Variants in CTNNA3 observed in about 807,000 individuals in gnomAD.
CTNNA3 encodes the protein catenin alpha-3.
A neutral mutation model predicts 95.7 loss-of-function variants in CTNNA3; 76 were observed. The ratio of observed to expected loss-of-function variants is 0.79; its 90% CI spans 0.66 to 0.96. CTNNA3 has a LOEUF of 0.96. Ranked by LOEUF, CTNNA3 falls within the 40% of genes least tolerant of loss-of-function variation. The pLI, the probability that CTNNA3 is intolerant of heterozygous loss-of-function variation, is 0.00. For synonymous variants in CTNNA3, 431 were observed against 374.4 expected, an observed-to-expected ratio of 1.15 and a Z score of -1.74; for missense variants, 1,191 against 1,089.8, an observed-to-expected ratio of 1.09 and a Z score of -1.31.
At chr10:66,018,945 T>C (rs931691151) in intron 15 of CTNNA3, among the ~76,000 whole-genome samples, 2 of 146,974 alleles carry the variant, frequency 1.4e-5, no homozygotes, top group African/African-American at 4.9e-5. Context: ...AGAAAACTTG[T>C]TTCCATTTTC....
chr10:67,154,727 C>T (rs965635141), intron 7 of CTNNA3, among the ~76,000 whole-genome samples: 1 of 152,114 alleles, frequency 6.6e-6, no homozygotes, highest in Non-Finnish European at 1.5e-5. Context: ...CCAAAATGTT[C>T]ATATGAGCTG....
intron 9 of CTNNA3, among the ~76,000 whole-genome samples, chr10:66,747,920 T>A (rs1306141585): frequency 6.6e-6 from 1 of 152,168 alleles, no homozygotes; most frequent in East Asian, 1.9e-4. Flanking sequence ...AGTGAGGGGA[T>A]TTTTTTCTCC....
intron 1 of CTNNA3, among the ~76,000 whole-genome samples, chr10:67,653,014 G>A (rs1219100774): frequency 6.6e-6 from 1 of 152,158 alleles, no homozygotes; most frequent in African/African-American, 2.4e-5. Context: ...CTGAGATTGG[G>A]TAATTTATAA....
At chr10:67,494,198 T>C (rs1412386403) in intron 5 of CTNNA3, among the ~76,000 whole-genome samples, 1 of 152,118 alleles carries the variant, frequency 6.6e-6, no homozygotes, top group Non-Finnish European at 1.5e-5. Flanking sequence ...AAACTGAGGG[T>C]TTTTTTAATT....
At chr10:67,199,520 C>T (rs985279358) in intron 6 of CTNNA3, among the ~76,000 whole-genome samples, 2 of 152,104 alleles carry the variant, frequency 1.3e-5, no homozygotes, top group Non-Finnish European at 2.9e-5. Context: ...CAGGCGCATG[C>T]CACCACGCCT....
chr10:66,802,729 C>A (rs1486634317), intron 7 of CTNNA3, among the ~76,000 whole-genome samples: 10 of 148,332 alleles, frequency 6.7e-5, no homozygotes, highest in Non-Finnish European at 7.5e-5. Context: ...AAAAAAAAAA[C>A]CCTCAAATGC....
At chr10:66,436,106 A>G (rs1410170906) in intron 11 of CTNNA3, among the ~76,000 whole-genome samples, 1 of 152,126 alleles carries the variant, frequency 6.6e-6, no homozygotes, top group Non-Finnish European at 1.5e-5. Flanking sequence ...TATGTGGTCA[A>G]TTTTAGAATA....
chr10:67,556,473 T>C (rs924048920), intron 3 of CTNNA3, among the ~76,000 whole-genome samples: 3 of 152,296 alleles, frequency 2.0e-5, no homozygotes, highest in Admixed American at 6.5e-5. Context: ...TCCTCCTGGT[T>C]TAGTCTTGGG....
intron 9 of CTNNA3, among the ~76,000 whole-genome samples, chr10:66,673,462 C>A (rs1450954042): frequency 6.6e-6 from 1 of 152,022 alleles, no homozygotes; most frequent in Non-Finnish European, 1.5e-5. Context: ...TACATTACAA[C>A]ATTGTAAAAG....
intron 3 of CTNNA3, among the ~76,000 whole-genome samples, chr10:67,566,043 G>GTGTGTATATATATATATATATA (rs1274109672): frequency 1.5e-4 from 4 of 26,960 alleles, no homozygotes; most frequent in African/African-American, 5.0e-4. Context: ...ATGTGTGTGT[G>GTGTGTATATATATATATATATA]TATATATATA....
chr10:67,421,984 G>A (rs551001086), intron 5 of CTNNA3, among the ~76,000 whole-genome samples: 2 of 152,102 alleles, frequency 1.3e-5, no homozygotes, highest in East Asian at 1.9e-4. Context: ...ACACAATATC[G>A]CTTTGTGCTA....
At chr10:67,469,766 A>T (rs928006038) in intron 5 of CTNNA3, among the ~76,000 whole-genome samples, 1 of 151,962 alleles carries the variant, frequency 6.6e-6, no homozygotes, top group Non-Finnish European at 1.5e-5. Context: ...AATAAAAAAT[A>T]AAAAAAAGAA....
At chr10:66,350,011 A>G (rs1171572724) in intron 12 of CTNNA3, among the ~76,000 whole-genome samples, 1 of 152,092 alleles carries the variant, frequency 6.6e-6, no homozygotes, top group Non-Finnish European at 1.5e-5. Flanking sequence ...CAGGAATCAC[A>G]TTTCCTCTAT....
chr10:66,021,956 A>C (rs1034546528), intron 15 of CTNNA3, among the ~76,000 whole-genome samples: 3 of 148,888 alleles, frequency 2.0e-5, no homozygotes, highest in Non-Finnish European at 4.4e-5. Context: ...CAGGCTCAAG[A>C]GATGCTCTGC....
intron 5 of CTNNA3, among the ~76,000 whole-genome samples, chr10:67,253,492 G>A (rs1866194023): frequency 6.6e-6 from 1 of 152,112 alleles, no homozygotes; most frequent in African/African-American, 2.4e-5. Flanking sequence ...GGCTACAAGG[G>A]GTTAATCTAT....
At chr10:67,133,968 G>A (rs1860165120) in intron 7 of CTNNA3, among the ~76,000 whole-genome samples, 2 of 152,122 alleles carry the variant, frequency 1.3e-5, no homozygotes, top group Non-Finnish European at 2.9e-5. Flanking sequence ...ACAGGTGTGA[G>A]CCACTACACT....
chr10:66,163,293 C>G (rs1389239757), intron 13 of CTNNA3, among the ~76,000 whole-genome samples: 1 of 152,032 alleles, frequency 6.6e-6, no homozygotes, highest in African/African-American at 2.4e-5. Context: ...TGGAGTTTTA[C>G]CCCCTGCTCC....
chr10:66,582,753 A>C (rs895536617), intron 10 of CTNNA3, among the ~76,000 whole-genome samples: 1 of 151,880 alleles, frequency 6.6e-6, no homozygotes, highest in African/African-American at 2.4e-5. Context: ...TTTCTCATTC[A>C]GTATGATGTT....
At chr10:67,751,306 T>C in intron 1 of CTNNA3, 1 of 891,658 alleles carries the variant, frequency 1.1e-6, no homozygotes. Context: ...ACTCAAGTCC[T>C]ATTTTAGCCA....
Sources: gnomAD v4.1 joint callset for allele counts (sites outside exome capture counted in the v4.1 genomes callset) on GRCh38, gnomAD v4.1.1 for gene constraint, MANE v1.5 for transcripts, NCBI Gene and HGNC (gene_info 2026-07-23, HGNC 2026-07-21) for gene names.